The following TMCC3 variants were observed in gnomAD, a reference collection of about 807,000 sequenced individuals.
The protein encoded by TMCC3 is transmembrane and coiled-coil domain family 3.
Under a neutral mutation model 40.2 loss-of-function variants are expected in TMCC3, and 28 were observed. That is an observed-to-expected ratio of 0.70 (90% CI 0.52 to 0.95). The LOEUF is 0.95. Ranked by LOEUF, TMCC3 falls within the 40% of genes least tolerant of loss-of-function variation. The pLI, the probability that TMCC3 is intolerant of heterozygous loss-of-function variation, is 0.00. For missense variants in TMCC3, 554 were observed against 615.2 expected, an observed-to-expected ratio of 0.90 and a Z score of 1.05; for synonymous variants, 255 against 248.5, an observed-to-expected ratio of 1.03 and a Z score of -0.25.
Position 94,571,336 on chromosome 12 carries a change from A to C in TMCC3, c.*99T>G. 7.9e-7 allele frequency: 1 copy of C among 1,262,100 alleles called. No homozygotes were observed. Among genetic ancestry groups the C allele is most frequent in the East Asian group, 2.4e-5 (1 of 41,930 alleles). The allele number at this position is 1,262,100 out of a possible 1,614,324, so 78.2% of individuals were successfully genotyped here. A position where few individuals can be genotyped will look rare whatever the true frequency, so the allele number is the denominator to read the frequency against. On this transcript the variant is annotated 3_prime_UTR_variant, in exon 4 of 4. Transcript: ENST00000261226. The stretch of plus-strand genomic sequence containing the variant: ...CACACAGTCCTAGTTTTTCTTACAC[A>C]CGAGTCCGCACAATCATTCACTGTA...
intron 1 of TMCC3, among the ~76,000 whole-genome samples, chr12:94,646,747 TTTTTTTA>T (rs974840207): frequency 1.3e-4 from 19 of 142,522 alleles, no homozygotes; most frequent in Admixed American, 2.8e-4. Flanking sequence ...CTTTTTTTTT[TTTTTTTA>T]AAAAACAAAT....
At chr12:94,575,975 A>C (rs975465834) in intron 3 of TMCC3, among the ~76,000 whole-genome samples, 35 of 152,158 alleles carry the variant, frequency 2.3e-4, no homozygotes, top group African/African-American at 7.2e-4. Flanking sequence ...TTTTTTTCTA[A>C]TTATGTTGGC....
At chr12:94,640,658 T>C (rs1210285414) in intron 1 of TMCC3, among the ~76,000 whole-genome samples, 4 of 152,196 alleles carry the variant, frequency 2.6e-5, no homozygotes, top group East Asian at 1.9e-4. Context: ...GATGTGGGAA[T>C]GACTGAACTT....
chr12:94,631,600 C>A (rs1566334793), intron 1 of TMCC3, among the ~76,000 whole-genome samples: 1 of 152,140 alleles, frequency 6.6e-6, no homozygotes, highest in Non-Finnish European at 1.5e-5. Context: ...CTTCCAGCCT[C>A]CAGAACTGCA....
chr12:94,584,344 C>T (rs1232669355), intron 1 of TMCC3, among the ~76,000 whole-genome samples: 4 of 152,126 alleles, frequency 2.6e-5, no homozygotes, highest in African/African-American at 9.7e-5. Context: ...CTGCCTTCCA[C>T]CATGAGTAAA....
chr12:94,625,257 T>C (rs1422644327), intron 1 of TMCC3, among the ~76,000 whole-genome samples: 1 of 151,818 alleles, frequency 6.6e-6, no homozygotes, highest in East Asian at 1.9e-4. Flanking sequence ...AACATATCTT[T>C]TGGTGGGGGA....
At position 94,578,425 on chromosome 12, in the gene TMCC3, T is replaced by G; in HGVS notation, c.1100A>C (p.Tyr367Ser). The change falls in exon 3 of 4, where the codon TAC (tyrosine) becomes TCC (serine). Residue 367 changes from tyrosine to serine, a missense_variant. Physicochemically the swap from Tyr to Ser is moderately radical, Grantham distance 144. Transcript: ENST00000261226. ...GTCCCGCGAGCGCTCGTAGGCCTGGTAGGCCACCTTCTCCTCAATGCTGGC... is the reference window on the plus strand; with the variant it reads ...GTCCCGCGAGCGCTCGTAGGCCTGGGAGGCCACCTTCTCCTCAATGCTGGC... ...ELASIEEKVA[Y>S]QAYERSRDIQ... 6.2e-7 allele frequency: 1 copy of G among 1,614,096 alleles called. No homozygotes were observed. Among genetic ancestry groups the G allele is most frequent in the Non-Finnish European group, 8.5e-7 (1 of 1,179,998 alleles).
chr12:94,573,432 T>G (rs2068545384), intron 3 of TMCC3, among the ~76,000 whole-genome samples: 1 of 152,194 alleles, frequency 6.6e-6, no homozygotes. Flanking sequence ...GGATGCATAT[T>G]TGGTATCACT....
intron 1 of TMCC3, among the ~76,000 whole-genome samples, chr12:94,601,201 T>C (rs1209145903): frequency 1.3e-5 from 2 of 152,204 alleles, no homozygotes; most frequent in Non-Finnish European, 1.5e-5. Context: ...AAAGTCCTTG[T>C]TTGCAGATAC....
At chr12:94,639,859 C>A (rs1003156430) in intron 1 of TMCC3, among the ~76,000 whole-genome samples, 1 of 151,350 alleles carries the variant, frequency 6.6e-6, no homozygotes, top group South Asian at 2.1e-4. Context: ...TCCTGTTGGC[C>A]AAAATAAAAA....
chr12:94,620,532 T>A (rs1279950212), intron 1 of TMCC3, among the ~76,000 whole-genome samples: 1 of 151,996 alleles, frequency 6.6e-6, no homozygotes, highest in East Asian at 1.9e-4. Context: ...AGGTGATCCA[T>A]CTGCCTCGGC....
At chr12:94,573,812 C>T (rs2068547192) in intron 3 of TMCC3, among the ~76,000 whole-genome samples, 1 of 130,796 alleles carries the variant, frequency 7.6e-6, no homozygotes, top group South Asian at 2.2e-4. Context: ...GAGACATGTG[C>T]CTCCCCCACT....
At chr12:94,574,394 A>AAC (rs890764715) in intron 3 of TMCC3, among the ~76,000 whole-genome samples, 32 of 150,550 alleles carry the variant, frequency 2.1e-4, no homozygotes, top group South Asian at 6.3e-4. Flanking sequence ...TCAAAAAACA[A>AAC]AAAAAAAAAA....
At chr12:94,586,111 A>C (rs1295829781) in intron 1 of TMCC3, among the ~76,000 whole-genome samples, 1 of 152,222 alleles carries the variant, frequency 6.6e-6, no homozygotes, top group Non-Finnish European at 1.5e-5. Context: ...CTGGATAATA[A>C]ATCTGGCACC....
At chr12:94,629,878 ACTAT>A (rs1484925668) in intron 1 of TMCC3, among the ~76,000 whole-genome samples, 1 of 152,250 alleles carries the variant, frequency 6.6e-6, no homozygotes, top group Non-Finnish European at 1.5e-5. Flanking sequence ...CTGCTATTTG[ACTAT>A]CATTATCACT....
intron 1 of TMCC3, among the ~76,000 whole-genome samples, chr12:94,616,606 A>T (rs540027966): frequency 8.5e-5 from 13 of 152,334 alleles, no homozygotes; most frequent in African/African-American, 2.9e-4. Flanking sequence ...GAGAGACACA[A>T]TGACAGCCAC....
chr12:94,607,305 T>C (rs1029046831), intron 1 of TMCC3, among the ~76,000 whole-genome samples: 1 of 152,300 alleles, frequency 6.6e-6, no homozygotes, highest in African/African-American at 2.4e-5. Flanking sequence ...TTACAATCTA[T>C]TGTACAATAG....
At chr12:94,586,624 C>A (rs1349808485) in intron 1 of TMCC3, among the ~76,000 whole-genome samples, 7 of 149,584 alleles carry the variant, frequency 4.7e-5, no homozygotes, top group African/African-American at 1.8e-4. Context: ...TTTTACCTTA[C>A]CAAACCGAGC....
chr12:94,624,948 C>T (rs919867553), intron 1 of TMCC3, among the ~76,000 whole-genome samples: 1 of 151,648 alleles, frequency 6.6e-6, no homozygotes, highest in Non-Finnish European at 1.5e-5. Flanking sequence ...CGAGACCAGC[C>T]TGGTCAACAT....
Sources: allele counts gnomAD v4.1 joint callset (sites outside exome capture counted in the v4.1 genomes callset), GRCh38; gene constraint gnomAD v4.1.1; transcripts MANE v1.5; gene names NCBI Gene and HGNC (gene_info 2026-07-23, HGNC 2026-07-21).